Variants in DLG2 observed in about 807,000 individuals in gnomAD.
The protein encoded by DLG2 is disks large homolog 2.
Under a neutral mutation model 132.5 loss-of-function variants are expected in DLG2, and 45 were observed. The ratio of observed to expected loss-of-function variants is 0.34; its 90% CI spans 0.27 to 0.44. DLG2 has a LOEUF of 0.44. Ranked by LOEUF, DLG2 falls within the 20% of genes least tolerant of loss-of-function variation. The pLI is 1.00. For synonymous variants in DLG2, 424 were observed against 419.6 expected (o/e 1.01, Z -0.13); for missense variants, 1,045 against 1,196.9 (o/e 0.87, Z 1.87).
intron 7 of DLG2, among the ~76,000 whole-genome samples, chr11:84,491,195 T>C (rs1213424078): frequency 2.0e-5 from 3 of 152,100 alleles, no homozygotes; most frequent in Admixed American, 1.3e-4. Flanking sequence ...AAATTTCATC[T>C]TGAATTCCCA....
chr11:85,198,405 C>A (rs150867530), intron 4 of DLG2, among the ~76,000 whole-genome samples: 1 of 152,218 alleles, frequency 6.6e-6, no homozygotes, highest in East Asian at 1.9e-4. Flanking sequence ...ATTGAAGGAT[C>A]TCAAGTTAGC....
chr11:84,988,149 C>T (rs1042890517), intron 6 of DLG2, among the ~76,000 whole-genome samples: 4 of 152,132 alleles, frequency 2.6e-5, no homozygotes, highest in Non-Finnish European at 4.4e-5. Context: ...AAATGCTCAA[C>T]GTCACTAATG....
intron 6 of DLG2, among the ~76,000 whole-genome samples, chr11:85,051,347 A>C (rs2062869504): frequency 6.6e-6 from 1 of 152,184 alleles, no homozygotes; most frequent in South Asian, 2.1e-4. Context: ...TTGCTTGATT[A>C]CTTATCAAAT....
intron 6 of DLG2, among the ~76,000 whole-genome samples, chr11:84,639,139 A>T (rs1212418100): frequency 6.6e-6 from 1 of 152,196 alleles, no homozygotes; most frequent in Admixed American, 6.5e-5. Flanking sequence ...TTCCTCATTC[A>T]GTAAACCAAT....
At chr11:84,446,901 T>TG (rs539533345) in intron 7 of DLG2, among the ~76,000 whole-genome samples, 186 of 152,316 alleles carry the variant, frequency 1.2e-3, no homozygotes, top group Middle Eastern at 3.4e-3. Context: ...AGGATCTCAC[T>TG]GCTGTGGCCA....
intron 6 of DLG2, among the ~76,000 whole-genome samples, chr11:84,874,737 T>A (rs1363917296): frequency 6.6e-6 from 1 of 151,914 alleles, no homozygotes; most frequent in African/African-American, 2.4e-5. Context: ...AAGAAAGATT[T>A]AGGCCGAGCA....
rs571836753 is a variant in DLG2 at position 84,771,394 on chromosome 11, G to T, written c.358-236663C>A. Among the ~76,000 whole-genome samples the T allele has an allele frequency of 1.9e-3, 282 of 152,214 alleles. 3 individuals are homozygous for T. The highest frequency in any genetic ancestry group is 6.4e-3 in the African/African-American group (267 of 41,532). ...AATGATACTGAGCTTTTTTTCATAT[G>T]CTTTTTGGCCACACGTCTTCTTTTG... is the stretch of plus-strand genomic sequence containing the variant. On this transcript the variant is annotated intron_variant, in intron 6 of 27. Transcript: ENST00000376104.
intron 6 of DLG2, among the ~76,000 whole-genome samples, chr11:84,837,646 A>G (rs914028164): frequency 6.6e-6 from 1 of 151,840 alleles, no homozygotes; most frequent in African/African-American, 2.4e-5. Context: ...ATGCTGAGTA[A>G]AGAAGGAAGG....
At chr11:85,279,691 A>C (rs2078113581) in intron 4 of DLG2, among the ~76,000 whole-genome samples, 1 of 152,140 alleles carries the variant, frequency 6.6e-6, no homozygotes, top group South Asian at 2.1e-4. Context: ...TCAGAAAAAC[A>C]AACCAAAACA....
At chr11:84,406,337 G>A (rs1333789722) in intron 7 of DLG2, among the ~76,000 whole-genome samples, 1 of 151,982 alleles carries the variant, frequency 6.6e-6, no homozygotes, top group African/African-American at 2.4e-5. Flanking sequence ...TCATTTGTTT[G>A]AGACAGGGTC....
rs80347491 is a variant in DLG2, at chr11:84,355,286, T to C, written c.520-103995A>G. ...ATGAAGGCAAAACGGACATCCGCTA[T>C]TGCTGTAGATGTAATATTTGTATCC... On this transcript the variant is annotated intron_variant, in intron 7 of 27. Coordinates refer to ENST00000376104, the MANE Select transcript of DLG2 (RefSeq NM_001142699.3). Among the ~76,000 whole-genome samples the C allele has an allele frequency of 3.3e-3, 504 of 152,236 alleles. 22 individuals are homozygous for C. The East Asian group carries it at 0.075, about 23-fold the overall frequency.
chr11:84,311,037 AT>A (rs1183215689), intron 7 of DLG2, among the ~76,000 whole-genome samples: 1 of 152,034 alleles, frequency 6.6e-6, no homozygotes, highest in Admixed American at 6.6e-5. Flanking sequence ...CATCAACACA[AT>A]TCTATTTTAC....
At chr11:85,340,827 A>C (rs2082441958) in intron 3 of DLG2, among the ~76,000 whole-genome samples, 1 of 152,178 alleles carries the variant, frequency 6.6e-6, no homozygotes, top group Non-Finnish European at 1.5e-5. Flanking sequence ...AGTAGAAAGC[A>C]TTTCCCTGTA....
At chr11:83,503,576 C>T (rs754281112) in intron 21 of DLG2, among the ~76,000 whole-genome samples, 4 of 151,224 alleles carry the variant, frequency 2.6e-5, no homozygotes, top group African/African-American at 7.3e-5. Flanking sequence ...ACCTGGAGTC[C>T]GATGTTCAAG....
chr11:85,073,699 T>C (rs1020488687), intron 6 of DLG2, among the ~76,000 whole-genome samples: 22 of 151,848 alleles, frequency 1.4e-4, no homozygotes, highest in Admixed American at 1.3e-4. Context: ...TTCTAAGGTT[T>C]CAAGAAGTAG....
intron 4 of DLG2, among the ~76,000 whole-genome samples, chr11:85,159,863 C>A (rs1186646289): frequency 1.3e-5 from 2 of 152,160 alleles, no homozygotes; most frequent in African/African-American, 2.4e-5. Context: ...AACTTGATAG[C>A]TTTTTGCTTC....
chr11:84,106,954 AAGAG>A (rs150673792), intron 9 of DLG2, among the ~76,000 whole-genome samples: 109,001 of 132,158 alleles, frequency 0.82, 44,424 homozygotes, highest in Middle Eastern at 0.87. Flanking sequence ...GAGAGAGAGA[AAGAG>A]AGAGAGAGTT....
In DLG2 at chr11:85,241,036, T is replaced by G. The variant is rs576406368; in HGVS notation, c.186+44184A>C. The stretch of plus-strand genomic sequence containing the variant: ...GACATTTTCATATTAAATATCTCTA[T>G]GAACATGATTTTATTTATTTAGATA... On this transcript the variant is annotated intron_variant, in intron 4 of 27. Transcript: ENST00000376104. Among the ~76,000 whole-genome samples the G allele has an allele frequency of 7.8e-4, 119 of 151,758 alleles. No homozygotes were observed. The Middle Eastern group carries it at 0.01, about 13-fold the overall frequency.
intron 3 of DLG2, among the ~76,000 whole-genome samples, chr11:85,385,264 G>A (rs2086232048): frequency 6.6e-6 from 1 of 152,172 alleles, no homozygotes; most frequent in Non-Finnish European, 1.5e-5. Flanking sequence ...GAAGAAATGT[G>A]CTTGAATAGG....
Sources: gnomAD v4.1 joint callset for allele counts (sites outside exome capture counted in the v4.1 genomes callset) on GRCh38, gnomAD v4.1.1 for gene constraint, MANE v1.5 for transcripts, NCBI Gene and HGNC (gene_info 2026-07-23, HGNC 2026-07-21) for gene names.